NF2: variants seen among roughly 807,000 people sequenced by gnomAD.
NF2 encodes NF2, moesin-ezrin-radixin like (MERLIN) tumor suppressor, also known as merlin.
A neutral mutation model predicts 83.7 loss-of-function variants in NF2; 8 were observed. The observed-to-expected ratio is 0.10, with a 90% CI of 0.06 to 0.17. The LOEUF is 0.17. Ranked by LOEUF, NF2 falls within the 10% of genes least tolerant of loss-of-function variation. NF2 has a pLI of 1.00. For missense variants in NF2, 533 were observed against 744.4 expected (o/e 0.72, Z 3.31); for synonymous variants, 266 against 269.6 (o/e 0.99, Z 0.13).
chr22:29,605,151 ATTTTTT>A (rs34646924), intron 1 of NF2, among the ~76,000 whole-genome samples: 75 of 101,878 alleles, frequency 7.4e-4, no homozygotes, highest in African/African-American at 2.8e-3. Context: ...CACCTGGCTA[ATTTTTT>A]TTTTTTTTTT....
intron 1 of NF2, among the ~76,000 whole-genome samples, chr22:29,619,990 C>G (rs1252102098): frequency 6.6e-6 from 1 of 152,182 alleles, no homozygotes; most frequent in Non-Finnish European, 1.5e-5. Context: ...ATAGGCTAGG[C>G]ACAGTGGCTG....
At chr22:29,671,666 A>G (rs1044569692) in intron 10 of NF2, among the ~76,000 whole-genome samples, 160 bp from the exon 11 acceptor site, 4 of 152,092 alleles carry the variant, frequency 2.6e-5, no homozygotes, top group Non-Finnish European at 4.4e-5. Context: ...GTTTAGAAGG[A>G]CGGGGTGGGG....
chr22:29,677,152 A>C (rs1270664444), intron 13 of NF2, among the ~76,000 whole-genome samples: 1 of 152,238 alleles, frequency 6.6e-6, no homozygotes, highest in Admixed American at 6.5e-5. Context: ...TGCAAATAGT[A>C]GAAAGAAGAT....
chr22:29,623,988 C>T (rs2146778439), intron 1 of NF2, among the ~76,000 whole-genome samples: 1 of 152,246 alleles, frequency 6.6e-6, no homozygotes, highest in East Asian at 1.9e-4. Context: ...GAAGTCATCT[C>T]AAGACTTGAG....
chr22:29,639,194 A>T lies in NF2; in HGVS notation c.345A>T (p.Gln115His), dbSNP rs746369012. Residue 115 changes from glutamine (Q) to histidine (H), a missense_variant, in exon 3 of 16, where the codon CAA becomes CAT. By Grantham distance (24) the Gln-to-His change is conservative. Transcript: ENST00000338641. ...AGGAGCTGGTTCAGGAGATCACACA[A>T]CATTTATTCTTCTTACAGGTACATC... ...AEEELVQEIT[Q>H]HLFFLQVKKQ... 6.2e-7 allele frequency: 1 copy of T among 1,614,186 alleles called. No individual in the cohort carries two copies. Among genetic ancestry groups the T allele is most frequent in the Admixed American group, 1.7e-5 (1 of 60,030 alleles).
Position 29,671,903 on chromosome 22 carries a change from G to C in NF2, c.1077G>C (p.Arg359Ser), listed in dbSNP as rs878853923. 6.2e-7 allele frequency: 1 copy of C among 1,614,200 alleles called. No homozygotes were observed. Among genetic ancestry groups the C allele is most frequent in the East Asian group, 2.2e-5 (1 of 44,876 alleles). Residue 359 changes from arginine to serine, a missense_variant, in exon 11 of 16, where the codon AGG becomes AGC. Around this residue, in one of 3 missense-constraint regions of NF2, gnomAD observed 326 missense variants for 475.1 expected, o/e 0.69. Coordinates refer to ENST00000338641, the MANE Select transcript of NF2 (RefSeq NM_000268.4). The part of the protein sequence containing the change: ...AERTRDELER[R>S]LLQMKEEATM... ...GCACGAGGGATGAGTTGGAGAGGAG[G>C]CTGCTGCAGATGAAAGAAGAAGCAA...
At chr22:29,609,163 T>G in intron 1 of NF2, 1 of 752,372 alleles carries the variant, frequency 1.3e-6, no homozygotes, top group East Asian at 2.5e-5. Flanking sequence ...GGATGAAGGT[T>G]GGCCTTGCCA....
intron 1 of NF2, among the ~76,000 whole-genome samples, chr22:29,614,455 G>C (rs1388292679): frequency 6.7e-6 from 1 of 150,096 alleles, no homozygotes; most frequent in East Asian, 2.0e-4. Context: ...GGTGGCGGGC[G>C]CCTGTAGTCC....
rs886057354 is a variant in NF2 at position 29,696,066 on chromosome 22, CTTT to C, written c.*1285_*1287del. 947 of 153,976 alleles carry C rather than the reference CTTT, an allele frequency of 6.2e-3. No individual in the cohort carries two copies. The highest frequency in any genetic ancestry group is 0.013 in the Middle Eastern group (6 of 464). The allele number at this position is 153,976 out of a possible 1,614,324, so 9.5% of individuals were successfully genotyped here. A position where few individuals can be genotyped will look rare whatever the true frequency, so the allele number is the denominator to read the frequency against. ...GTCTGGGGCCACCTTCTTGCCCTTT[CTTT>C]TTTTTTTTTTTTTTTTTTTTCCGAG... On this transcript the variant is annotated 3_prime_UTR_variant, in exon 16 of 16. Transcript: ENST00000338641.
intron 1 of NF2, among the ~76,000 whole-genome samples, chr22:29,633,422 GT>G (rs1215034037): frequency 6.6e-6 from 1 of 152,058 alleles, no homozygotes; most frequent in Non-Finnish European, 1.5e-5. Flanking sequence ...CACCTGTTCT[GT>G]GACTCTGCCT....
chr22:29,604,082 C>T lies in NF2; in HGVS notation c.84C>T (p.Thr28=), dbSNP rs1410448416. The change falls in exon 1 of 16, where the codon ACC becomes ACT. Residue 28 remains threonine, a synonymous_variant. Coordinates refer to ENST00000338641, the MANE Select transcript of NF2 (RefSeq NM_000268.4). The stretch of plus-strand genomic sequence containing the variant: ...AGACGTTCACCGTGAGGATCGTCAC[C>T]ATGGACGCCGAGATGGAGTTCAATT... ...QPKTFTVRIV[T]MDAEMEFNCE... is the part of the protein sequence containing the mutation. 3 of 1,607,458 alleles carry T rather than the reference C, an allele frequency of 1.9e-6. No individual in the cohort carries two copies. Among genetic ancestry groups the T allele is most frequent in the Non-Finnish European group, 2.5e-6 (3 of 1,177,096 alleles).
chr22:29,693,857 A>G (rs898366859), intron 15 of NF2, among the ~76,000 whole-genome samples: 3 of 152,300 alleles, frequency 2.0e-5, no homozygotes, highest in East Asian at 3.9e-4. Flanking sequence ...CTCCTGTGGG[A>G]AGTCCCGGAG....
intron 15 of NF2, among the ~76,000 whole-genome samples, chr22:29,693,625 G>T (rs1412313427): frequency 6.6e-6 from 1 of 152,224 alleles, no homozygotes; most frequent in Non-Finnish European, 1.5e-5. Flanking sequence ...AGAGGTCAGG[G>T]GTGTCTGCAG....
intron 7 of NF2, among the ~76,000 whole-genome samples, chr22:29,660,731 T>C (rs1256585294): frequency 8.0e-6 from 1 of 125,336 alleles, no homozygotes; most frequent in Non-Finnish European, 1.9e-5. Context: ...CCCGGCTAAT[T>C]TTTTTGTGTG....
At chr22:29,651,566 C>G (rs2066148363) in intron 4 of NF2, among the ~76,000 whole-genome samples, 2 of 152,176 alleles carry the variant, frequency 1.3e-5, no homozygotes, top group African/African-American at 2.4e-5. Flanking sequence ...GTATGACTTT[C>G]TTTTGTATTC....
At chr22:29,655,142 A>C (rs2066262499) in intron 5 of NF2, among the ~76,000 whole-genome samples, 1 of 152,144 alleles carries the variant, frequency 6.6e-6, no homozygotes. Context: ...TTAGCCACAG[A>C]AGCAGGCCCG....
chr22:29,621,345 A>C (rs2065212748), intron 1 of NF2, among the ~76,000 whole-genome samples: 1 of 152,214 alleles, frequency 6.6e-6, no homozygotes, highest in Non-Finnish European at 1.5e-5. Context: ...AAAATGGTGA[A>C]TGTAATTAAT....
chr22:29,675,744 A>G (rs150989567), intron 13 of NF2, among the ~76,000 whole-genome samples: 229 of 152,264 alleles, frequency 1.5e-3, no homozygotes, highest in African/African-American at 5.3e-3. Flanking sequence ...ACAGTCATCT[A>G]CATGGCACAG....
At chr22:29,666,161 A>C (rs987355975) in intron 9 of NF2, among the ~76,000 whole-genome samples, 1 of 150,910 alleles carries the variant, frequency 6.6e-6, no homozygotes, top group East Asian at 1.9e-4. Context: ...TTACTTCTAT[A>C]CTTTTTTTTT....
Sources: gnomAD v4.1 joint callset for allele counts (sites outside exome capture counted in the v4.1 genomes callset) on GRCh38, gnomAD v4.1.1 for gene constraint, gnomAD v4.1.1 regional missense constraint, MANE v1.5 for transcripts, NCBI Gene and HGNC (gene_info 2026-07-23, HGNC 2026-07-21) for gene names.